The following LRRTM4 variants were observed in gnomAD, a reference collection of about 807,000 sequenced individuals.
The protein encoded by LRRTM4 is leucine-rich repeat transmembrane neuronal protein 4.
LRRTM4 carries 25 observed loss-of-function variants against 47.6 expected under a neutral mutation model. That is an observed-to-expected ratio of 0.53 (90% confidence interval 0.38 to 0.73). The LOEUF (loss-of-function observed/expected upper bound fraction) is 0.73, where lower values mean the gene tolerates loss of function less well. Among genes scored for constraint, LRRTM4 ranks in the 30% least tolerant of loss-of-function variants. LRRTM4 has a pLI of 0.00. For synonymous variants in LRRTM4, 311 were observed against 269.5 expected (o/e 1.15, Z -1.51); for missense variants, 638 against 713.4 (o/e 0.89, Z 1.20).
At chr2:77,452,220 G>A (rs1004416979) in intron 3 of LRRTM4, among the ~76,000 whole-genome samples, 1 of 152,170 alleles carries the variant, frequency 6.6e-6, no homozygotes, top group African/African-American at 2.4e-5. Flanking sequence ...ACAGATAAAG[G>A]GGAACAGTTT....
At chr2:77,136,966 T>C (rs1272528095) in intron 3 of LRRTM4, among the ~76,000 whole-genome samples, 2 of 151,866 alleles carry the variant, frequency 1.3e-5, no homozygotes, top group Non-Finnish European at 2.9e-5. Context: ...CCAAGAAATA[T>C]GGGACTATGT....
At chr2:77,331,067 T>C (rs892686812) in intron 3 of LRRTM4, among the ~76,000 whole-genome samples, 2 of 152,112 alleles carry the variant, frequency 1.3e-5, no homozygotes, top group African/African-American at 2.4e-5. Context: ...ATTTGAAAGA[T>C]AAAAGGTGCA....
chr2:77,175,176 T>G (rs561453629), intron 3 of LRRTM4, among the ~76,000 whole-genome samples: 6 of 151,710 alleles, frequency 4.0e-5, no homozygotes, highest in Non-Finnish European at 8.8e-5. Flanking sequence ...TTCAAGCGAT[T>G]CTCATGCCTC....
intron 3 of LRRTM4, among the ~76,000 whole-genome samples, chr2:77,162,265 G>T (rs1477925361): frequency 6.6e-6 from 1 of 152,184 alleles, no homozygotes; most frequent in East Asian, 1.9e-4. Context: ...TGGCAGCAAG[G>T]CTGGGGGTGG....
At chr2:76,814,666 T>C (rs2103835152) in intron 3 of LRRTM4, among the ~76,000 whole-genome samples, 1 of 152,180 alleles carries the variant, frequency 6.6e-6, no homozygotes, top group Middle Eastern at 3.4e-3. Flanking sequence ...ATGTAAATAC[T>C]ACCCCATTTT....
intron 3 of LRRTM4, among the ~76,000 whole-genome samples, chr2:77,156,870 C>A (rs1672574634): frequency 6.6e-6 from 1 of 151,882 alleles, no homozygotes; most frequent in African/African-American, 2.4e-5. Context: ...CAGGGCCTGG[C>A]TCAACTTCTT....
intron 3 of LRRTM4, among the ~76,000 whole-genome samples, chr2:77,244,306 A>G (rs1373806825): frequency 6.7e-6 from 1 of 150,200 alleles, no homozygotes; most frequent in African/African-American, 2.5e-5. Context: ...TGGCTGGGTT[A>G]AATGGTATTT....
intron 3 of LRRTM4, among the ~76,000 whole-genome samples, chr2:77,338,509 A>G (rs916286857): frequency 2.0e-5 from 3 of 152,152 alleles, no homozygotes; most frequent in Non-Finnish European, 2.9e-5. Flanking sequence ...ATCACTAATC[A>G]TGAGAAAAAT....
chr2:76,982,620 C>A (rs1168813262), intron 3 of LRRTM4, among the ~76,000 whole-genome samples: 1 of 151,892 alleles, frequency 6.6e-6, no homozygotes, highest in Admixed American at 6.6e-5. Flanking sequence ...CATGATGCTG[C>A]AGTGTGTGAG....
Position 76,831,226 on chromosome 2 carries a change from A to G in LRRTM4, c.1552-82310T>C, listed in dbSNP as rs149962851. Among the ~76,000 whole-genome samples, 367 of 152,288 alleles carry G rather than the reference A, an allele frequency of 2.4e-3. 6 individuals are homozygous for G. Among genetic ancestry groups the G allele is most frequent in the African/African-American group, 8.5e-3 (354 of 41,582 alleles). ...GCATATGTGTGTGTGTGAAATGAAC[A>G]AAGACACAAACATGTATAGTGAATA... is the stretch of plus-strand genomic sequence containing the variant. On this transcript the variant is annotated intron_variant, in intron 3 of 3. Coordinates refer to ENST00000409884, the MANE Select transcript of LRRTM4 (RefSeq NM_001134745.3).
intron 3 of LRRTM4, among the ~76,000 whole-genome samples, chr2:76,978,368 C>T (rs1394785328): frequency 6.6e-6 from 1 of 151,980 alleles, no homozygotes. Context: ...GATTTTATTG[C>T]TTAGTTATGT....
rs1012442077 is a variant in LRRTM4 at position 77,264,115 on chromosome 2, C to T, written c.1551+254203G>A. On this transcript the variant is annotated intron_variant, in intron 3 of 3. Coordinates refer to ENST00000409884, the MANE Select transcript of LRRTM4 (RefSeq NM_001134745.3). ...ATGGGAAAGTGTATTACTGAGTTCACGCATCCATAAAAAATACCAGAGAAT... is the reference window on the plus strand; with the variant it reads ...ATGGGAAAGTGTATTACTGAGTTCATGCATCCATAAAAAATACCAGAGAAT... Among the ~76,000 whole-genome samples, 13 of 151,914 alleles carry T rather than the reference C, an allele frequency of 8.6e-5. 1 individual carries two copies. In the South Asian group the frequency reaches 1.2e-3, roughly 15 times the overall value.
chr2:77,037,261 A>G (rs1279481291), intron 3 of LRRTM4, among the ~76,000 whole-genome samples: 1 of 151,766 alleles, frequency 6.6e-6, no homozygotes, highest in African/African-American at 2.4e-5. Flanking sequence ...AAATCATCCA[A>G]TTAAAAGGGA....
At chr2:77,214,122 T>C (rs1485251356) in intron 3 of LRRTM4, among the ~76,000 whole-genome samples, 1 of 152,182 alleles carries the variant, frequency 6.6e-6, no homozygotes, top group Non-Finnish European at 1.5e-5. Context: ...ATTCATTCCA[T>C]TTTGCCTTTA....
chr2:77,020,534 T>C (rs1678230606), intron 3 of LRRTM4, among the ~76,000 whole-genome samples: 2 of 152,154 alleles, frequency 1.3e-5, no homozygotes, highest in Admixed American at 6.6e-5. Context: ...GACAGAATAA[T>C]CTATTTTTAA....
chr2:77,383,227 G>A (rs977751482), intron 3 of LRRTM4, among the ~76,000 whole-genome samples: 7 of 151,756 alleles, frequency 4.6e-5, no homozygotes, highest in African/African-American at 1.7e-4. Flanking sequence ...ATCTTTAATT[G>A]TGTACCTTTC....
At chr2:77,294,426 A>G (rs1207891566) in intron 3 of LRRTM4, among the ~76,000 whole-genome samples, 1 of 152,158 alleles carries the variant, frequency 6.6e-6, no homozygotes, top group African/African-American at 2.4e-5. Context: ...GAATGTATTC[A>G]TATAGGTTAA....
At chr2:77,172,608 AAAAT>A (rs1673081060) in intron 3 of LRRTM4, among the ~76,000 whole-genome samples, 2 of 151,442 alleles carry the variant, frequency 1.3e-5, no homozygotes, top group African/African-American at 4.9e-5. Context: ...CATAAAAAAA[AAAAT>A]AAAAATAAAT....
chr2:76,829,809 T>C (rs544880502), intron 3 of LRRTM4, among the ~76,000 whole-genome samples: 2 of 152,184 alleles, frequency 1.3e-5, no homozygotes, highest in East Asian at 3.9e-4. Flanking sequence ...GTGTGAGACC[T>C]CTGCCTTGCA....
Sources: allele counts gnomAD v4.1 joint callset (sites outside exome capture counted in the v4.1 genomes callset), GRCh38; gene constraint gnomAD v4.1.1; transcripts MANE v1.5; gene names NCBI Gene and HGNC (gene_info 2026-07-23, HGNC 2026-07-21).